RABGAP1L: variants seen among roughly 807,000 people sequenced by gnomAD.
RABGAP1L encodes rab GTPase-activating protein 1-like.
RABGAP1L carries 63 observed loss-of-function variants against 137.7 expected under a neutral mutation model. That is an observed-to-expected ratio of 0.46 (90% CI 0.37 to 0.56). The LOEUF is 0.56. Among genes scored for constraint, RABGAP1L ranks in the 20% least tolerant of loss-of-function variants. The probability of loss-of-function intolerance (pLI) is 0.00; values close to 1 mark genes in which losing one functional copy is unlikely to be tolerated. For missense variants in RABGAP1L, 1,095 were observed against 1,244.0 expected, an observed-to-expected ratio of 0.88 and a Z score of 1.80; for synonymous variants, 431 against 433.7, an observed-to-expected ratio of 0.99 and a Z score of 0.08.
At chr1:174,826,700 T>C (rs1429463647) in intron 19 of RABGAP1L, among the ~76,000 whole-genome samples, 1 of 152,242 alleles carries the variant, frequency 6.6e-6, no homozygotes, top group Non-Finnish European at 1.5e-5. Context: ...TAATTCAACA[T>C]TTCTTTGATA....
chr1:174,450,072 C>T (rs1010984881), intron 13 of RABGAP1L, among the ~76,000 whole-genome samples: 1 of 151,900 alleles, frequency 6.6e-6, no homozygotes, highest in Non-Finnish European at 1.5e-5. Flanking sequence ...TTATCTGGTT[C>T]CTTTTAAATT....
intron 7 of RABGAP1L, among the ~76,000 whole-genome samples, chr1:174,254,274 T>C (rs750736443): frequency 6.6e-6 from 1 of 152,232 alleles, no homozygotes; most frequent in Non-Finnish European, 1.5e-5. Context: ...TTAAGATGCA[T>C]GTGTTTTCAT....
chr1:174,241,507 G>A lies in RABGAP1L; in HGVS notation c.567G>A (p.Val189=). The change falls in exon 5 of 26, where the codon GTG becomes GTA. Residue 189 remains valine (V), a synonymous_variant. Transcript: ENST00000681986. Reference sequence around the variant, plus strand: ...GAATTATAGACCAATCCAGCAATGTGGAGATAGCATCTTTTCCAATCTATA... The same window carrying A: ...GAATTATAGACCAATCCAGCAATGTAGAGATAGCATCTTTTCCAATCTATA... ...SVRIIDQSSN[V]EIASFPIYKV... 1 of 1,602,836 alleles carries A rather than the reference G, an allele frequency of 6.2e-7. No homozygotes were observed. The highest frequency in any genetic ancestry group is 8.5e-7 in the Non-Finnish European group (1 of 1,174,658).
intron 19 of RABGAP1L, among the ~76,000 whole-genome samples, chr1:174,929,562 C>T (rs757075746): frequency 2.0e-5 from 3 of 151,960 alleles, no homozygotes; most frequent in Non-Finnish European, 2.9e-5. Flanking sequence ...GGCAACATAA[C>T]GAGATCCTAT....
Position 174,750,843 on chromosome 1 carries a change from G to A in RABGAP1L, c.2170-1470G>A, listed in dbSNP as rs115257445. Among the ~76,000 whole-genome samples the A allele has an allele frequency of 4.3e-3, 657 of 152,270 alleles. 8 individuals carry two copies. The highest frequency in any genetic ancestry group is 0.015 in the African/African-American group (607 of 41,542). On this transcript the variant is annotated intron_variant, in intron 17 of 25. Coordinates refer to ENST00000681986, the MANE Select transcript of RABGAP1L (RefSeq NM_001366446.1). ...ACTGTTGCCTAGTGGTTGTGATGTG[G>A]TGGTGGACAGAGTTGGAGAACAGGG...
chr1:174,718,592 G>A (rs1467559445), intron 17 of RABGAP1L, among the ~76,000 whole-genome samples: 1 of 151,998 alleles, frequency 6.6e-6, no homozygotes, highest in African/African-American at 2.4e-5. Context: ...ATTTATTTTT[G>A]AGGCCCTTGG....
intron 14 of RABGAP1L, among the ~76,000 whole-genome samples, chr1:174,671,956 T>G (rs941837721): frequency 2.0e-5 from 3 of 152,128 alleles, no homozygotes; most frequent in Non-Finnish European, 2.9e-5. Flanking sequence ...TCTGGCTTTT[T>G]GTTGATAGGA....
In RABGAP1L at chr1:174,332,480, T is replaced by A. The variant is rs1390327809; in HGVS notation, c.1465+27353T>A. Among the ~76,000 whole-genome samples the A allele has an allele frequency of 5.9e-5, 9 of 152,118 alleles. No homozygotes were observed. In the South Asian group the frequency reaches 1.5e-3, roughly 25 times the overall value. ...AGCATGATCTTGGCTGACTGCAACCTCTACGTCTGGGTTCAAGCGATTCCC... is the reference window on the plus strand; with the variant it reads ...AGCATGATCTTGGCTGACTGCAACCACTACGTCTGGGTTCAAGCGATTCCC... On this transcript the variant is annotated intron_variant, in intron 11 of 25. Coordinates refer to ENST00000681986, the MANE Select transcript of RABGAP1L (RefSeq NM_001366446.1).
At chr1:174,777,734 A>G (rs1686642146) in intron 18 of RABGAP1L, among the ~76,000 whole-genome samples, 1 of 152,236 alleles carries the variant, frequency 6.6e-6, no homozygotes. Flanking sequence ...AAAAATTACA[A>G]TGTCTGATAG....
intron 5 of RABGAP1L, among the ~76,000 whole-genome samples, chr1:174,244,034 A>G (rs1260043912): frequency 2.0e-5 from 3 of 152,228 alleles, no homozygotes. Context: ...AAGATGTCCA[A>G]CATCTTCCTC....
chr1:174,283,617 C>T (rs914029709), intron 10 of RABGAP1L, among the ~76,000 whole-genome samples: 78 of 152,164 alleles, frequency 5.1e-4, no homozygotes, highest in African/African-American at 1.8e-3. Context: ...AGTGATTCTC[C>T]TGCCTCAGCC....
intron 13 of RABGAP1L, among the ~76,000 whole-genome samples, chr1:174,553,004 T>C (rs1394399479): frequency 6.6e-6 from 1 of 152,242 alleles, no homozygotes; most frequent in Non-Finnish European, 1.5e-5. Flanking sequence ...TTTTTCCATA[T>C]TATTTTTGGC....
chr1:174,265,899 T>C (rs773856386), intron 7 of RABGAP1L, among the ~76,000 whole-genome samples: 24 of 152,300 alleles, frequency 1.6e-4, no homozygotes, highest in Non-Finnish European at 3.1e-4. Flanking sequence ...TCCTAAGATC[T>C]ATTTAGGTTA....
chr1:174,551,350 T>TGGTCAGAGTA (rs1666534617), intron 13 of RABGAP1L, among the ~76,000 whole-genome samples: 2 of 151,992 alleles, frequency 1.3e-5, no homozygotes, highest in African/African-American at 4.8e-5. Flanking sequence ...ATAGAGTATG[T>TGGTCAGAGTA]TGTCTGACCA....
chr1:174,326,485 C>T (rs1451849342), intron 11 of RABGAP1L, among the ~76,000 whole-genome samples: 1 of 152,026 alleles, frequency 6.6e-6, no homozygotes. Flanking sequence ...AAGACAGGCT[C>T]TTCAAAACTA....
At chr1:174,532,345 A>G (rs1664490946) in intron 13 of RABGAP1L, among the ~76,000 whole-genome samples, 1 of 151,790 alleles carries the variant, frequency 6.6e-6, no homozygotes, top group African/African-American at 2.4e-5. Flanking sequence ...AGTATCTGGG[A>G]CTACAGGTGC....
At chr1:174,457,086 G>T (rs1656116430) in intron 13 of RABGAP1L, among the ~76,000 whole-genome samples, 1 of 152,166 alleles carries the variant, frequency 6.6e-6, no homozygotes, top group African/African-American at 2.4e-5. Flanking sequence ...GGGAGAGATT[G>T]CAGAAAAGTC....
intron 20 of RABGAP1L, among the ~76,000 whole-genome samples, chr1:174,962,169 C>T (rs907893222): frequency 3.5e-5 from 5 of 144,326 alleles, no homozygotes; most frequent in African/African-American, 7.9e-5. Flanking sequence ...AGTGAGACTC[C>T]GTCTCAAAAA....
At chr1:174,193,258 G>A (rs751095067) in intron 1 of RABGAP1L, among the ~76,000 whole-genome samples, 6 of 152,260 alleles carry the variant, frequency 3.9e-5, no homozygotes, top group East Asian at 1.9e-4. Context: ...TTGGCTGAGC[G>A]CGGTGGCTCA....
Sources: gnomAD v4.1 joint callset for allele counts (sites outside exome capture counted in the v4.1 genomes callset) on GRCh38, gnomAD v4.1.1 for gene constraint, MANE v1.5 for transcripts, NCBI Gene and HGNC (gene_info 2026-07-23, HGNC 2026-07-21) for gene names.